The following OSBPL9 variants were observed in gnomAD, a reference collection of about 807,000 sequenced individuals.
The protein encoded by OSBPL9 is oxysterol binding protein like 9.
Under a neutral mutation model 106.6 loss-of-function variants are expected in OSBPL9, and 40 were observed. The ratio of observed to expected loss-of-function variants is 0.38; its 90% confidence interval spans 0.29 to 0.49. The LOEUF is 0.49. Among genes scored for constraint, OSBPL9 ranks in the 20% least tolerant of loss-of-function variants. The pLI is 0.97. For missense variants in OSBPL9, 609 were observed against 887.2 expected, an observed-to-expected ratio of 0.69 and a Z score of 3.98; for synonymous variants, 269 against 295.4, an observed-to-expected ratio of 0.91 and a Z score of 0.92.
the OSBPL9 span, among the ~76,000 whole-genome samples, chr1:51,519,511 G>A: frequency 6.6e-6 from 1 of 152,008 alleles, no homozygotes; most frequent in Non-Finnish European, 1.5e-5. Flanking sequence ...ACCCGGCGCG[G>A]ACATAAAATT....
At chr1:51,663,156 A>G (rs1183076118) in intron 2 of OSBPL9, among the ~76,000 whole-genome samples, 1 of 152,230 alleles carries the variant, frequency 6.6e-6, no homozygotes, top group Non-Finnish European at 1.5e-5. Context: ...ATAAATATTA[A>G]CAAAAGATGA....
chr1:51,787,861 T>G lies in OSBPL9; in HGVS notation c.*72T>G. 7.4e-7 allele frequency: 1 copy of G among 1,355,300 alleles called. No individual in the cohort carries two copies. The highest frequency in any genetic ancestry group is 1.1e-6 in the Non-Finnish European group (1 of 948,292). 84.0% of individuals were successfully genotyped at this position (1,355,300 alleles called of 1,614,324 possible). A position where few individuals can be genotyped will look rare whatever the true frequency, so the allele number is the denominator to read the frequency against. On this transcript the variant is annotated 3_prime_UTR_variant, in exon 24 of 24. Transcript: ENST00000428468. The stretch of plus-strand genomic sequence containing the variant: ...AATTCAGCAACAAACAATCTTCCTT[T>G]GGGAGAAACCTGTTCATTCCAATCT...
chr1:51,703,787 C>A (rs1224233585), intron 3 of OSBPL9, among the ~76,000 whole-genome samples: 1 of 151,794 alleles, frequency 6.6e-6, no homozygotes, highest in Non-Finnish European at 1.5e-5. Flanking sequence ...TGTCATAGAT[C>A]TTACTATTTT....
chr1:51,541,474 A>G, the OSBPL9 span, among the ~76,000 whole-genome samples: 2 of 152,272 alleles, frequency 1.3e-5, no homozygotes, highest in Non-Finnish European at 1.5e-5. Flanking sequence ...AATTGCCTCA[A>G]TCACCTCATG....
At chr1:51,597,899 A>G (rs1000772634) in intron 1 of OSBPL9, among the ~76,000 whole-genome samples, 5 of 152,204 alleles carry the variant, frequency 3.3e-5, no homozygotes, top group Non-Finnish European at 7.3e-5. Flanking sequence ...AAAAACAGAT[A>G]GGACCCAATC....
intron 1 of OSBPL9, among the ~76,000 whole-genome samples, chr1:51,621,342 A>C (rs1306411067): frequency 2.0e-5 from 3 of 151,950 alleles, no homozygotes; most frequent in African/African-American, 7.3e-5. Flanking sequence ...AAATACAAAA[A>C]TTTGCCCTGC....
Position 51,761,254 on chromosome 1 carries a change from TG to T in OSBPL9, c.673+475del, listed in dbSNP as rs1208079935. Among the ~76,000 whole-genome samples the T allele has an allele frequency of 1.1e-3, 162 of 147,146 alleles. 2 individuals carry two copies. The East Asian group carries it at 0.019, about 17-fold the overall frequency. Reference sequence around the variant, plus strand: ...ATCACATGACATCTGGGTTTTGTTTTGTTTTTTTTTTTTTTGTATAAAGCAA... The same window carrying T: ...ATCACATGACATCTGGGTTTTGTTTTTTTTTTTTTTTTTTGTATAAAGCAA... On this transcript the variant is annotated intron_variant, in intron 10 of 23. Coordinates refer to ENST00000428468, the MANE Select transcript of OSBPL9 (RefSeq NM_024586.6).
In OSBPL9 at chr1:51,608,087, G is replaced by A. The variant is rs561778720; in HGVS notation, c.-352-6218G>A. On this transcript the variant is annotated intron_variant, in intron 2 of 25. Transcript: ENST00000371714. ...AGTTGTGCATATGCTCATTTAAGGC[G>A]TTTTTCCCTTACCAGTCTAGTGTTC... Among the ~76,000 whole-genome samples, 27 of 152,254 alleles carry A rather than the reference G, an allele frequency of 1.8e-4. No homozygotes were observed. In the Middle Eastern group the frequency reaches 0.01, roughly 58 times the overall value.
At position 51,630,571 on chromosome 1, in the gene OSBPL9, G is replaced by A. The variant is rs116655109; in HGVS notation, c.111+13350G>A. ...GCACTTACCATGAATGAAGCTTGCAGGACTGGAAGTTGTTCTGATGAGTCA... is the reference window on the plus strand; with the variant it reads ...GCACTTACCATGAATGAAGCTTGCAAGACTGGAAGTTGTTCTGATGAGTCA... On this transcript the variant is annotated intron_variant, in intron 1 of 23. Transcript: ENST00000428468. Among the ~76,000 whole-genome samples, 572 of 152,314 alleles carry A rather than the reference G, an allele frequency of 3.8e-3. 7 individuals are homozygous for A. Among genetic ancestry groups the A allele is most frequent in the African/African-American group, 0.013 (556 of 41,566 alleles).
At chr1:51,555,353 G>A in the OSBPL9 span, among the ~76,000 whole-genome samples, 1 of 151,726 alleles carries the variant, frequency 6.6e-6, no homozygotes, top group Non-Finnish European at 1.5e-5. Context: ...AGCTGGGCAT[G>A]GTGGCACGTG....
In OSBPL9 at chr1:51,788,831, C is replaced by T. The variant is rs566356095; in HGVS notation, c.*1042C>T. ...AGATGGCTCATTCTGAAGGGAAATA[C>T]AGAACTATATCTATCTATCTATCTA... On this transcript the variant is annotated 3_prime_UTR_variant, in exon 24 of 24. Transcript: ENST00000428468. Among the ~76,000 whole-genome samples, 284 of 149,122 alleles carry T rather than the reference C, an allele frequency of 1.9e-3. 2 individuals carry two copies. Among genetic ancestry groups the T allele is most frequent in the African/African-American group, 6.7e-3 (266 of 39,876 alleles).
chr1:51,713,865 C>A, intron 3 of OSBPL9, 138 bp from the exon 4 acceptor site: 1 of 597,804 alleles, frequency 1.7e-6, no homozygotes, highest in Non-Finnish European at 2.9e-6. Context: ...ATTAATAGAT[C>A]AAGCTGAACC....
At position 51,705,695 on chromosome 1, in the gene OSBPL9, G is replaced by A. The variant is rs184692143; in HGVS notation, c.242-8308G>A. Among the ~76,000 whole-genome samples, 1,181 of 151,978 alleles carry A rather than the reference G, an allele frequency of 7.8e-3. 6 individuals carry two copies. The highest frequency in any genetic ancestry group is 0.012 in the Non-Finnish European group (830 of 67,964). On this transcript the variant is annotated intron_variant, in intron 3 of 23. Coordinates refer to ENST00000428468, the MANE Select transcript of OSBPL9 (RefSeq NM_024586.6). ...CTCCCAAAGTGCTGGGATTACAGGC[G>A]TGAGCCACCACGCCTGGCCCCAATA...
chr1:51,683,002 G>A (rs1233531833), intron 3 of OSBPL9, among the ~76,000 whole-genome samples: 2 of 151,620 alleles, frequency 1.3e-5, no homozygotes, highest in Non-Finnish European at 1.5e-5. Flanking sequence ...TTAGCCTCCC[G>A]AGTAGCTAGG....
intron 1 of OSBPL9, among the ~76,000 whole-genome samples, chr1:51,619,179 C>G (rs976922343): frequency 3.3e-5 from 5 of 152,136 alleles, no homozygotes; most frequent in African/African-American, 1.2e-4. Flanking sequence ...ATCAGAAAAT[C>G]CCGTAAACTC....
At chr1:51,716,939 CAT>C (rs1661171919) in intron 4 of OSBPL9, among the ~76,000 whole-genome samples, 1 of 152,082 alleles carries the variant, frequency 6.6e-6, no homozygotes, top group South Asian at 2.1e-4. Flanking sequence ...GCTCCTACTA[CAT>C]AATAGTGCTT....
intron 4 of OSBPL9, among the ~76,000 whole-genome samples, chr1:51,720,592 T>A (rs1485350646): frequency 6.6e-6 from 1 of 151,858 alleles, no homozygotes; most frequent in African/African-American, 2.4e-5. Flanking sequence ...CAAAGTGCTG[T>A]GATTACAGGC....
At chr1:51,787,252 C>G in intron 22 of OSBPL9, 101 bp from the exon 23 acceptor site, 1 of 1,169,526 alleles carries the variant, frequency 8.6e-7, no homozygotes, top group South Asian at 1.4e-5. Context: ...AGTCTGTGAC[C>G]TACAGCACTT....
chr1:51,646,612 C>T (rs550139264), intron 1 of OSBPL9, among the ~76,000 whole-genome samples: 108 of 152,188 alleles, frequency 7.1e-4, no homozygotes, highest in South Asian at 1.0e-3. Context: ...GGCACAATCT[C>T]GGCTCACTAC....
Sources: allele counts gnomAD v4.1 joint callset (sites outside exome capture counted in the v4.1 genomes callset), GRCh38; gene constraint gnomAD v4.1.1; transcripts MANE v1.5; gene names NCBI Gene and HGNC (gene_info 2026-07-23, HGNC 2026-07-21).